VWA3B: variants seen among roughly 807,000 people sequenced by gnomAD.
The protein encoded by VWA3B is von Willebrand factor A domain-containing protein 3B.
VWA3B carries 138 observed loss-of-function variants against 158.3 expected under a neutral mutation model. The ratio of observed to expected loss-of-function variants is 0.87; its 90% CI spans 0.76 to 1.00. VWA3B has a LOEUF of 1.00. VWA3B is among the 50% of genes least tolerant of loss of function. The pLI is 0.00. For synonymous variants in VWA3B, 596 were observed against 587.3 expected (o/e 1.01, Z -0.21); for missense variants, 1,555 against 1,565.1 (o/e 0.99, Z 0.11).
rs2105107204 is a variant in VWA3B at position 98,142,021 on chromosome 2, A to C, written c.988+8082A>C. Among the ~76,000 whole-genome samples, 2 of 152,234 alleles carry C rather than the reference A, an allele frequency of 1.3e-5. 1 individual carries two copies. The highest frequency in any genetic ancestry group is 4.8e-5 in the African/African-American group (2 of 41,540). Reference sequence around the variant, plus strand: ...AGAATTCAGTTTAATTTTTTATTCCAGTCTCCTCTCCTCTGGTTGGGTGGG... The same window carrying C: ...AGAATTCAGTTTAATTTTTTATTCCCGTCTCCTCTCCTCTGGTTGGGTGGG... On this transcript the variant is annotated intron_variant, in intron 7 of 27. Coordinates refer to ENST00000477737, the MANE Select transcript of VWA3B (RefSeq NM_144992.5).
intron 8 of VWA3B, among the ~76,000 whole-genome samples, chr2:98,178,258 T>C (rs1162941513): frequency 2.0e-5 from 3 of 152,146 alleles, no homozygotes; most frequent in African/African-American, 4.8e-5. Context: ...CAGCTCCAGG[T>C]GTCGGGGATG....
intron 12 of VWA3B, among the ~76,000 whole-genome samples, chr2:98,200,292 C>T (rs1682422647): frequency 1.3e-5 from 2 of 152,044 alleles, no homozygotes; most frequent in Admixed American, 6.6e-5. Context: ...CCTGTAATCC[C>T]AGCACTTTGT....
At chr2:98,220,871 C>G (rs187977312) in intron 14 of VWA3B, among the ~76,000 whole-genome samples, 4 of 152,222 alleles carry the variant, frequency 2.6e-5, no homozygotes, top group Admixed American at 2.0e-4. Flanking sequence ...AATACAGGAA[C>G]AGAAAACCAC....
intron 7 of VWA3B, among the ~76,000 whole-genome samples, chr2:98,138,571 G>T (rs919508757): frequency 2.6e-5 from 4 of 152,180 alleles, no homozygotes; most frequent in African/African-American, 9.7e-5. Flanking sequence ...TGTGGGGCGG[G>T]GGCGCGGATC....
At position 98,188,112 on chromosome 2, in the gene VWA3B, G is replaced by A; in HGVS notation, c.1449G>A (p.Leu483=). Residue 483 remains leucine, a synonymous_variant, in exon 10 of 28, where the codon CTG becomes CTA. Transcript: ENST00000477737. ...ACAGTGAGAGAATCCACACAGCCCT[G>A]GCCCGGATCCGAAGGAGGTTGGTGT... ...KWYSERIHTA[L]ARIRRRIKWL... The A allele has an allele frequency of 6.2e-7, 1 of 1,612,474 alleles. No homozygotes were observed. Among genetic ancestry groups the A allele is most frequent in the Non-Finnish European group, 8.5e-7 (1 of 1,179,336 alleles).
chr2:98,091,426 A>G (rs1460045184), intron 1 of VWA3B, among the ~76,000 whole-genome samples: 1 of 152,194 alleles, frequency 6.6e-6, no homozygotes, highest in African/African-American at 2.4e-5. Flanking sequence ...CATTGCTTCT[A>G]TTACACTAAA....
At chr2:98,253,867 C>T (rs1197310204) in intron 20 of VWA3B, among the ~76,000 whole-genome samples, 1 of 152,144 alleles carries the variant, frequency 6.6e-6, no homozygotes, top group Non-Finnish European at 1.5e-5. Flanking sequence ...CAGAGAGGCC[C>T]TCAGGTCCAG....
chr2:98,236,873 G>A (rs1215191392), intron 19 of VWA3B, 143 bp downstream of exon 19: 19 of 1,181,474 alleles, frequency 1.6e-5, no homozygotes, highest in African/African-American at 1.5e-4. Flanking sequence ...CAGTAAAAGG[G>A]AGAGAGAGAG....
At chr2:98,164,487 A>T (rs1313238796) in intron 8 of VWA3B, among the ~76,000 whole-genome samples, 1 of 152,212 alleles carries the variant, frequency 6.6e-6, no homozygotes, top group Non-Finnish European at 1.5e-5. Flanking sequence ...TTTAAGCCTC[A>T]TAACTCTATG....
intron 12 of VWA3B, chr2:98,207,447 G>T: frequency 2.1e-6 from 1 of 485,404 alleles, no homozygotes. Flanking sequence ...CCCTCCATAC[G>T]TTATTGTCAT....
intron 7 of VWA3B, among the ~76,000 whole-genome samples, chr2:98,140,462 T>C (rs1676688169): frequency 6.6e-6 from 1 of 152,212 alleles, no homozygotes; most frequent in Admixed American, 6.5e-5. Flanking sequence ...TCCCCTTGGC[T>C]TTCAGCCCAG....
chr2:98,319,873 C>T, the VWA3B span, among the ~76,000 whole-genome samples: 2 of 115,006 alleles, frequency 1.7e-5, no homozygotes, highest in Non-Finnish European at 3.5e-5. Flanking sequence ...GAGTGAGACT[C>T]CATCACACAC....
chr2:98,103,024 A>G (rs1336462922), intron 2 of VWA3B, among the ~76,000 whole-genome samples: 1 of 152,218 alleles, frequency 6.6e-6, no homozygotes, highest in African/African-American at 2.4e-5. Context: ...ATTTTCTAAT[A>G]TGTTGGCAAA....
chr2:98,192,847 C>T, intron 10 of VWA3B, 51 bp from the exon 11 acceptor site: 1 of 1,613,538 alleles, frequency 6.2e-7, no homozygotes, highest in East Asian at 2.2e-5. Flanking sequence ...GGAAGATGCT[C>T]TTGTTGCCTG....
intron 7 of VWA3B, among the ~76,000 whole-genome samples, chr2:98,134,983 C>T (rs1676150199): frequency 6.6e-6 from 1 of 151,972 alleles, no homozygotes; most frequent in Non-Finnish European, 1.5e-5. Context: ...ACCTTTGTTC[C>T]AATCATGAAG....
intron 2 of VWA3B, among the ~76,000 whole-genome samples, chr2:98,108,996 T>C (rs1673914548): frequency 1.4e-5 from 2 of 142,608 alleles, no homozygotes; most frequent in South Asian, 2.1e-4. Context: ...TTTCTTTTCT[T>C]TTTTTTTTTT....
intron 26 of VWA3B, among the ~76,000 whole-genome samples, chr2:98,308,392 T>A (rs1225832139): frequency 6.6e-6 from 1 of 152,244 alleles, no homozygotes; most frequent in Non-Finnish European, 1.5e-5. Context: ...TTCCATGGCA[T>A]CAGAGATGTC....
chr2:98,162,747 A>C, intron 7 of VWA3B, 104 bp from the exon 8 acceptor site: 3 of 1,469,390 alleles, frequency 2.0e-6, no homozygotes, highest in Non-Finnish European at 2.7e-6. Context: ...TGATGTTCAG[A>C]AATGTTCCAG....
At chr2:98,299,357 C>T (rs1231661186) in intron 24 of VWA3B, among the ~76,000 whole-genome samples, 1 of 152,204 alleles carries the variant, frequency 6.6e-6, no homozygotes, top group Non-Finnish European at 1.5e-5. Flanking sequence ...AAAGCTGTGC[C>T]ATGTCTGGCT....
Sources: gnomAD v4.1 joint callset for allele counts (sites outside exome capture counted in the v4.1 genomes callset) on GRCh38, gnomAD v4.1.1 for gene constraint, MANE v1.5 for transcripts, NCBI Gene and HGNC (gene_info 2026-07-23, HGNC 2026-07-21) for gene names.